The following ITGA6 variants were observed in gnomAD, a reference collection of about 807,000 sequenced individuals.
The protein encoded by ITGA6 is integrin subunit alpha 6, also known as integrin alpha-6.
A neutral mutation model predicts 133.6 loss-of-function variants in ITGA6; 63 were observed. The ratio of observed to expected loss-of-function variants is 0.47; its 90% CI spans 0.38 to 0.58. The LOEUF (loss-of-function observed/expected upper bound fraction) is 0.58, where lower values mean the gene tolerates loss of function less well. Ranked by LOEUF, ITGA6 falls within the 20% of genes least tolerant of loss-of-function variation. The probability of loss-of-function intolerance (pLI) is 0.00; values close to 1 mark genes in which losing one functional copy is unlikely to be tolerated. For synonymous variants in ITGA6, 434 were observed against 482.0 expected, an observed-to-expected ratio of 0.90 and a Z score of 1.30; for missense variants, 1,068 against 1,309.4, an observed-to-expected ratio of 0.82 and a Z score of 2.85.
At chr2:172,446,776 T>A (rs937806829) in intron 1 of ITGA6, among the ~76,000 whole-genome samples, 1 of 152,250 alleles carries the variant, frequency 6.6e-6, no homozygotes. Flanking sequence ...TGGAGACAAT[T>A]ATCAGAACTT....
intron 1 of ITGA6, among the ~76,000 whole-genome samples, chr2:172,431,929 A>G (rs141581901): frequency 1.3e-5 from 2 of 152,364 alleles, no homozygotes; most frequent in Non-Finnish European, 2.9e-5. Flanking sequence ...CCTTTATTAT[A>G]AAGAAGTGGT....
chr2:172,435,059 T>TGTGTGTG (rs1684260772), intron 1 of ITGA6, among the ~76,000 whole-genome samples: 2 of 136,734 alleles, frequency 1.5e-5, no homozygotes, highest in African/African-American at 2.5e-5. Flanking sequence ...TGTGTGTGTG[T>TGTGTGTG]ATGATGCAAA....
At chr2:172,458,275 C>G (rs576581484) in intron 1 of ITGA6, among the ~76,000 whole-genome samples, 4 of 147,428 alleles carry the variant, frequency 2.7e-5, no homozygotes, top group African/African-American at 7.6e-5. Context: ...CCATCTTTCT[C>G]TATCACTCAG....
At chr2:172,463,364 C>T (rs1337184216) in intron 1 of ITGA6, among the ~76,000 whole-genome samples, 1 of 152,168 alleles carries the variant, frequency 6.6e-6, no homozygotes, top group African/African-American at 2.4e-5. Flanking sequence ...GTTACCTTTA[C>T]AGGAAATCTC....
At chr2:172,451,137 AGAGT>A (rs1214137620) in intron 1 of ITGA6, among the ~76,000 whole-genome samples, 1 of 151,070 alleles carries the variant, frequency 6.6e-6, no homozygotes, top group Non-Finnish European at 1.5e-5. Flanking sequence ...CCTGGGTGAC[AGAGT>A]GAGACTCTGT....
chr2:172,449,724 C>A (rs1160764719), intron 1 of ITGA6, among the ~76,000 whole-genome samples: 1 of 151,944 alleles, frequency 6.6e-6, no homozygotes, highest in African/African-American at 2.4e-5. Flanking sequence ...GAGTTTGAGA[C>A]CAGCCTGACC....
Position 172,475,019 on chromosome 2 carries a change from C to T in ITGA6, c.1077C>T (p.Gly359=). Reference sequence around the variant, plus strand: ...TGTATGTCTACATGAACCAGCAAGGCAGATGGAATAATGTGAAGCCAATTC... The same window carrying T: ...TGTATGTCTACATGAACCAGCAAGGTAGATGGAATAATGTGAAGCCAATTC... ...GAVYVYMNQQ[G]RWNNVKPIRL... is the part of the protein sequence containing the mutation. The change falls in exon 7 of 26, where the codon GGC becomes GGT. Residue 359 remains glycine, a synonymous_variant. Transcript: ENST00000684293. 1 of 1,594,586 alleles carries T rather than the reference C, an allele frequency of 6.3e-7. No homozygotes were observed. The highest frequency in any genetic ancestry group is 1.3e-5 in the African/African-American group (1 of 74,518).
chr2:172,449,797 T>G (rs974321762), intron 1 of ITGA6, among the ~76,000 whole-genome samples: 3 of 151,866 alleles, frequency 2.0e-5, no homozygotes, highest in African/African-American at 7.3e-5. Flanking sequence ...GGCACATGCC[T>G]GTAATCCAGG....
intron 1 of ITGA6, among the ~76,000 whole-genome samples, chr2:172,436,411 G>C (rs762513272): frequency 3.3e-5 from 5 of 151,952 alleles, no homozygotes; most frequent in Admixed American, 6.5e-5. Context: ...TGCTACAGAG[G>C]TTAACTGAGA....
chr2:172,465,316 G>A (rs901835995), intron 1 of ITGA6: 21 of 606,160 alleles, frequency 3.5e-5, no homozygotes, highest in African/African-American at 1.5e-4. Context: ...TATTTTCCTC[G>A]TTTTGGTATC....
At chr2:172,497,658 G>C (rs1687184532) in intron 23 of ITGA6, among the ~76,000 whole-genome samples, 1 of 152,088 alleles carries the variant, frequency 6.6e-6, no homozygotes, top group African/African-American at 2.4e-5. Flanking sequence ...GCTGGAACAG[G>C]ATGATGAATA....
rs1687228106 is a variant in ITGA6, at chr2:172,498,635, C to T, written c.3114+535C>T. Among the ~76,000 whole-genome samples the T allele has an allele frequency of 2.0e-5, 3 of 152,178 alleles. No individual in the cohort carries two copies. In the South Asian group the frequency reaches 6.2e-4, roughly 32 times the overall value. Reference sequence around the variant, plus strand: ...AAGGTCTAGGTTCAATATGATGTTCCTCATTAGAATTTGGCCCTTTGACTG... The same window carrying T: ...AAGGTCTAGGTTCAATATGATGTTCTTCATTAGAATTTGGCCCTTTGACTG... On this transcript the variant is annotated intron_variant, in intron 24 of 25. Coordinates refer to ENST00000684293, the MANE Select transcript of ITGA6 (RefSeq NM_000210.4).
intron 1 of ITGA6, among the ~76,000 whole-genome samples, chr2:172,443,545 C>A (rs2149005252): frequency 6.6e-6 from 1 of 152,248 alleles, no homozygotes; most frequent in South Asian, 2.1e-4. Context: ...CTGATAGGAC[C>A]ACAGGCTACG....
chr2:172,461,001 G>A (rs1486065707), intron 1 of ITGA6, among the ~76,000 whole-genome samples: 1 of 152,182 alleles, frequency 6.6e-6, no homozygotes, highest in Non-Finnish European at 1.5e-5. Flanking sequence ...CTTTTGATTT[G>A]AAGTATTTAT....
At chr2:172,480,873 C>T (rs1686413065) in intron 11 of ITGA6, 2 of 152,070 alleles carry the variant, frequency 1.3e-5, no homozygotes, top group African/African-American at 4.8e-5. Flanking sequence ...AGAATTTTGA[C>T]ACCGTTAATG....
At chr2:172,503,456 T>C (rs1314682132) in intron 25 of ITGA6, 1 of 152,188 alleles carries the variant, frequency 6.6e-6, no homozygotes, top group Non-Finnish European at 1.5e-5. Flanking sequence ...CAGCACATGA[T>C]TTTTATTGCA....
At chr2:172,466,195 G>T (rs1415047548) in intron 2 of ITGA6, among the ~76,000 whole-genome samples, 1 of 152,230 alleles carries the variant, frequency 6.6e-6, no homozygotes, top group Non-Finnish European at 1.5e-5. Context: ...AGTGTACCTG[G>T]CTTCTTGTAG....
rs1559116474 is a variant in ITGA6 at position 172,441,558 on chromosome 2, T to TAAAAAAA, written c.182+13588_182+13589insAAAAAAA. 1.9e-3 allele frequency among the ~76,000 whole-genome samples: 126 copies of TAAAAAAA among 64,834 alleles called. 12 individuals are homozygous for TAAAAAAA. The highest frequency in any genetic ancestry group is 7.4e-3 in the African/African-American group (119 of 16,024). The allele number at this position is 64,834 out of a possible 152,430, so 42.5% of individuals were successfully genotyped here. The stretch of plus-strand genomic sequence containing the variant: ...GTAACAGAGTGGAGACGCTGTCTCT[T>TAAAAAAA]TAAAAAAAAAAAAAAAAAAAAAAAA... On this transcript the variant is annotated intron_variant, in intron 1 of 25. Transcript: ENST00000684293.
At chr2:172,444,749 G>T (rs1297368529) in intron 1 of ITGA6, among the ~76,000 whole-genome samples, 4 of 125,046 alleles carry the variant, frequency 3.2e-5, no homozygotes, top group African/African-American at 1.3e-4. Flanking sequence ...CCCCCTAATC[G>T]CCACGTATTT....
Sources: allele counts gnomAD v4.1 joint callset (sites outside exome capture counted in the v4.1 genomes callset), GRCh38; gene constraint gnomAD v4.1.1; transcripts MANE v1.5; gene names NCBI Gene and HGNC (gene_info 2026-07-23, HGNC 2026-07-21).